DAB1: variants seen among roughly 807,000 people sequenced by gnomAD.
DAB1 encodes DAB adaptor protein 1.
In DAB1, 15 loss-of-function variants were observed where a neutral mutation model predicts 64.6. The observed-to-expected ratio is 0.23, with a 90% CI of 0.16 to 0.36. DAB1 has a LOEUF of 0.36. Ranked by LOEUF, DAB1 falls within the 10% of genes least tolerant of loss-of-function variation. The probability of loss-of-function intolerance (pLI) is 1.00; values close to 1 mark genes in which losing one functional copy is unlikely to be tolerated. For synonymous variants in DAB1, 235 were observed against 251.9 expected (o/e 0.93, Z 0.64); for missense variants, 596 against 706.7 (o/e 0.84, Z 1.78).
chr1:57,573,970 G>T (rs1462736678), intron 7 of DAB1, among the ~76,000 whole-genome samples: 1 of 152,178 alleles, frequency 6.6e-6, no homozygotes, highest in Non-Finnish European at 1.5e-5. Flanking sequence ...AACTCATGTG[G>T]CTTGGGCTGT....
In DAB1 at chr1:57,400,338, C is replaced by T. The variant is rs146837978; in HGVS notation, c.-137+23592G>A. On this transcript the variant is annotated intron_variant, in intron 1 of 14. Transcript: ENST00000371236. ...CTATGAAGTTGTTGCTATCTAAACA[C>T]TCCCAAAACCCATTACTGAAATTTT... Among the ~76,000 whole-genome samples, 452 of 152,286 alleles carry T rather than the reference C, an allele frequency of 3.0e-3. 1 individual carries two copies. The highest frequency in any genetic ancestry group is 4.7e-3 in the Admixed American group (72 of 15,292).
chr1:57,640,975 G>A (rs1646120891), intron 7 of DAB1, among the ~76,000 whole-genome samples: 1 of 152,170 alleles, frequency 6.6e-6, no homozygotes, highest in East Asian at 1.9e-4. Context: ...TCCTTTGGAA[G>A]AATCATCTTG....
At chr1:58,131,942 C>T (rs559067119) in intron 5 of DAB1, among the ~76,000 whole-genome samples, 204 of 151,638 alleles carry the variant, frequency 1.3e-3, no homozygotes, top group African/African-American at 4.8e-3. Context: ...AGAGGTGGTG[C>T]CTACAGAGGC....
At chr1:57,980,377 C>G (rs1449026440) in intron 5 of DAB1, among the ~76,000 whole-genome samples, 3 of 152,154 alleles carry the variant, frequency 2.0e-5, no homozygotes, top group Non-Finnish European at 4.4e-5. Flanking sequence ...CCACTTTTCC[C>G]AAGCACTTCC....
intron 7 of DAB1, among the ~76,000 whole-genome samples, chr1:57,500,891 A>G (rs1411749790): frequency 6.6e-6 from 1 of 152,196 alleles, no homozygotes; most frequent in Non-Finnish European, 1.5e-5. Flanking sequence ...TTGTATCTGG[A>G]GCTTTTTACC....
At chr1:56,999,589 C>T (rs1470034011) in intron 14 of DAB1, among the ~76,000 whole-genome samples, 2 of 152,140 alleles carry the variant, frequency 1.3e-5, no homozygotes, top group African/African-American at 4.8e-5. Flanking sequence ...ATTGTGCTGT[C>T]TCTTGTGTGT....
At chr1:57,804,164 A>G (rs1023835945) in intron 6 of DAB1, among the ~76,000 whole-genome samples, 3 of 152,202 alleles carry the variant, frequency 2.0e-5, no homozygotes, top group Non-Finnish European at 4.4e-5. Flanking sequence ...TCTACAATGG[A>G]TCAAAATGGG....
At chr1:57,615,734 A>G (rs1645784147) in intron 7 of DAB1, among the ~76,000 whole-genome samples, 1 of 152,222 alleles carries the variant, frequency 6.6e-6, no homozygotes, top group Non-Finnish European at 1.5e-5. Flanking sequence ...CTTGGATTTA[A>G]AAACAGTCTC....
At chr1:58,285,055 T>C (rs1458356738) in intron 4 of DAB1, among the ~76,000 whole-genome samples, 1 of 152,068 alleles carries the variant, frequency 6.6e-6, no homozygotes, top group Non-Finnish European at 1.5e-5. Flanking sequence ...CATACAGGTT[T>C]ACATGATTAT....
intron 12 of DAB1, among the ~76,000 whole-genome samples, chr1:57,011,619 C>T (rs542946832): frequency 6.6e-6 from 1 of 152,306 alleles, no homozygotes; most frequent in African/African-American, 2.4e-5. Flanking sequence ...GTTTGAACAA[C>T]CTGCTACAGG....
At chr1:58,403,652 G>C (rs1377479829) in intron 3 of DAB1, among the ~76,000 whole-genome samples, 2 of 152,178 alleles carry the variant, frequency 1.3e-5, no homozygotes, top group Non-Finnish European at 2.9e-5. Flanking sequence ...AAAATGCAAG[G>C]AAGGGCAGGT....
intron 4 of DAB1, among the ~76,000 whole-genome samples, chr1:58,266,118 T>C (rs1306963288): frequency 2.0e-5 from 3 of 151,514 alleles, no homozygotes; most frequent in Non-Finnish European, 4.4e-5. Context: ...AAATGTGAGC[T>C]TGACAGGGCT....
At chr1:57,577,761 G>A (rs923423751) in intron 7 of DAB1, among the ~76,000 whole-genome samples, 4 of 152,176 alleles carry the variant, frequency 2.6e-5, no homozygotes, top group African/African-American at 9.7e-5. Context: ...ACTCTGGATT[G>A]TTCATACTTA....
At chr1:57,091,040 T>G (rs531236022) in intron 4 of DAB1, among the ~76,000 whole-genome samples, 1 of 152,262 alleles carries the variant, frequency 6.6e-6, no homozygotes, top group Non-Finnish European at 1.5e-5. Context: ...CAAACTGCTA[T>G]GCATTATAGC....
intron 14 of DAB1, among the ~76,000 whole-genome samples, chr1:57,009,383 T>C (rs569557692): frequency 5.3e-5 from 8 of 152,352 alleles, no homozygotes; most frequent in African/African-American, 1.9e-4. Context: ...TGGCATGACA[T>C]ATTATTATGT....
rs143038964 is a variant in DAB1 at position 57,663,923 on chromosome 1, A to G, written n.552-14258T>C. ...AATGCAAATGCAAGCGAAAGTTGAT[A>G]GAATAGCATGTGTAGGACCAAAACT... On this transcript the variant is annotated intron_variant and non_coding_transcript_variant, in intron 6 of 20. Transcript: ENST00000485760. 1.7e-4 allele frequency among the ~76,000 whole-genome samples: 26 copies of G among 152,330 alleles called. 1 individual carries two copies. Among genetic ancestry groups the G allele is most frequent in the African/African-American group, 6.3e-4 (26 of 41,588 alleles).
intron 2 of DAB1, among the ~76,000 whole-genome samples, chr1:57,251,529 T>A (rs1261534956): frequency 6.6e-6 from 1 of 152,190 alleles, no homozygotes; most frequent in Non-Finnish European, 1.5e-5. Context: ...GCCAATCACC[T>A]CGAGTACACT....
intron 4 of DAB1, among the ~76,000 whole-genome samples, chr1:57,129,578 C>A (rs1187031428): frequency 6.6e-6 from 1 of 152,106 alleles, no homozygotes; most frequent in Non-Finnish European, 1.5e-5. Context: ...CTCCCTGCTT[C>A]CTGTTTGTGA....
intron 2 of DAB1, among the ~76,000 whole-genome samples, chr1:57,186,088 T>C (rs189283541): frequency 1.3e-5 from 2 of 152,188 alleles, no homozygotes; most frequent in African/African-American, 4.8e-5. Context: ...GGTGAATCAA[T>C]GTCCCTGCAG....
Sources: allele counts gnomAD v4.1 joint callset (sites outside exome capture counted in the v4.1 genomes callset), GRCh38; gene constraint gnomAD v4.1.1; transcripts MANE v1.5; gene names NCBI Gene and HGNC (gene_info 2026-07-23, HGNC 2026-07-21).